ABCB11: variants seen among roughly 807,000 people sequenced by gnomAD.
ABCB11 encodes the protein ATP binding cassette subfamily B member 11.
A neutral mutation model predicts 148.0 loss-of-function variants in ABCB11; 95 were observed. The ratio of observed to expected loss-of-function variants is 0.64; its 90% CI spans 0.54 to 0.76. The LOEUF (loss-of-function observed/expected upper bound fraction) is 0.76. ABCB11 is among the 30% of genes least tolerant of loss of function. The pLI, the probability that ABCB11 is intolerant of heterozygous loss-of-function variation, is 0.00. For missense variants in ABCB11, 1,523 were observed against 1,617.8 expected, an observed-to-expected ratio of 0.94 and a Z score of 1.01; for synonymous variants, 591 against 555.4, an observed-to-expected ratio of 1.06 and a Z score of -0.90.
In ABCB11 at chr2:168,957,954, G is replaced by C. The variant is rs200824270; in HGVS notation, c.2343+10C>G. The C allele has an allele frequency of 3.3e-5, 51 of 1,552,350 alleles. No homozygotes were observed. In the Admixed American group the frequency reaches 3.6e-4, roughly 11 times the overall value. ...TGAGAAGAAGAAAGCTAGTCCAGCT[G>C]TGTACTTACCCCAAGAATCTGGCTG... is the stretch of plus-strand genomic sequence containing the variant. On this transcript the variant is annotated intron_variant, in intron 19 of 27. Transcript: ENST00000650372.
chr2:168,990,697 G>C lies in ABCB11; in HGVS notation c.908+104C>G, dbSNP rs1397355906. The C allele has an allele frequency of 2.1e-6, 3 of 1,427,610 alleles. No homozygotes were observed. In the African/African-American group the frequency reaches 4.2e-5, roughly 20 times the overall value. 88.4% of individuals were successfully genotyped at this position (1,427,610 alleles called of 1,614,324 possible). On this transcript the variant is annotated intron_variant, in intron 9 of 27. Transcript: ENST00000650372. ...CTCTTGAACAAGTACTTCCTCTGGA[G>C]GCCACAGACCAAGGTGGGTCTGCCG... is the stretch of plus-strand genomic sequence containing the variant.
At chr2:169,002,046 A>G (rs1030950070) in intron 5 of ABCB11, among the ~76,000 whole-genome samples, 1 of 152,220 alleles carries the variant, frequency 6.6e-6, no homozygotes, top group African/African-American at 2.4e-5. Flanking sequence ...CCAAAGATAC[A>G]AACAGGTTGA....
intron 12 of ABCB11, among the ~76,000 whole-genome samples, chr2:168,975,757 CAT>C (rs1045201962): frequency 2.8e-5 from 4 of 144,710 alleles, no homozygotes; most frequent in Middle Eastern, 4.0e-3. Context: ...ATATATATAT[CAT>C]ATATATATCA....
chr2:168,944,906 A>G lies in ABCB11; in HGVS notation c.2399T>C (p.Leu800Pro). Residue 800 changes from leucine to proline, a missense_variant, in exon 20 of 28, where the codon CTA becomes CCA. By Grantham distance (98) the Leu-to-Pro change is moderately conservative. Coordinates refer to ENST00000650372, the MANE Select transcript of ABCB11 (RefSeq NM_003742.4). ...TACACAGCCCATTGCTACAAAAAGT[A>G]GGCACACACCATTGATCTGTGACCT... ...EQRSQINGVC[L>P]LFVAMGCVSL... 6.3e-7 allele frequency: 1 copy of G among 1,576,756 alleles called. No homozygotes were observed. The highest frequency in any genetic ancestry group is 8.6e-7 in the Non-Finnish European group (1 of 1,159,330).
Position 168,975,336 on chromosome 2 carries a change from A to C in ABCB11, c.1308+1241T>G, listed in dbSNP as rs538811667. Among the ~76,000 whole-genome samples the C allele has an allele frequency of 5.0e-3, 232 of 46,664 alleles. 74 individuals are homozygous for C. Among genetic ancestry groups the C allele is most frequent in the African/African-American group, 0.025 (221 of 8,834 alleles). 30.6% of individuals were successfully genotyped at this position (46,664 alleles called of 152,430 possible). Reference sequence around the variant, plus strand: ...TTATAGATAAATATATAAATATATAAATATTTTTATATTTATAGATAAATA... The same window carrying C: ...TTATAGATAAATATATAAATATATACATATTTTTATATTTATAGATAAATA... On this transcript the variant is annotated intron_variant, in intron 12 of 27. Coordinates refer to ENST00000650372, the MANE Select transcript of ABCB11 (RefSeq NM_003742.4).
intron 1 of ABCB11, among the ~76,000 whole-genome samples, chr2:169,022,413 C>A (rs546648712): frequency 1.3e-5 from 2 of 151,706 alleles, no homozygotes; most frequent in South Asian, 2.1e-4. Flanking sequence ...AAATCATAAG[C>A]AAATACTAAG....
intron 5 of ABCB11, among the ~76,000 whole-genome samples, chr2:168,997,869 C>A (rs954305261): frequency 2.0e-5 from 3 of 151,988 alleles, no homozygotes; most frequent in African/African-American, 7.2e-5. Context: ...AAGGGCTGGG[C>A]TTACACTGCT....
chr2:168,948,789 A>G (rs1037297164), intron 19 of ABCB11, among the ~76,000 whole-genome samples: 5 of 151,742 alleles, frequency 3.3e-5, no homozygotes, highest in African/African-American at 1.2e-4. Context: ...CCTTTCTGAA[A>G]TTAATGTGAT....
chr2:169,028,981 G>A (rs1695780752), intron 1 of ABCB11, among the ~76,000 whole-genome samples: 1 of 152,162 alleles, frequency 6.6e-6, no homozygotes, highest in Non-Finnish European at 1.5e-5. Flanking sequence ...ATGGTAAGAA[G>A]AATCTAAATG....
rs200488448 is a variant in ABCB11, at chr2:168,936,261, C to A, written c.2783G>T (p.Arg928Leu). ...CACCATCTCCAGGGCCTGCTTATCTCGAGAGGCAAATCCTGTCAACATCCT... is the reference window on the plus strand; with the variant it reads ...CACCATCTCCAGGGCCTGCTTATCTAGAGAGGCAAATCCTGTCAACATCCT... ...QTRMLTGFAS[R>L]DKQALEMVGQ... is the part of the protein sequence containing the mutation. The change falls in exon 22 of 28, where the codon CGA becomes CTA. Residue 928 changes from arginine to leucine, a missense_variant. Arg to Leu is a moderately radical substitution (Grantham distance 102). Coordinates refer to ENST00000650372, the MANE Select transcript of ABCB11 (RefSeq NM_003742.4). 1 of 1,613,708 alleles carries A rather than the reference C, an allele frequency of 6.2e-7. No individual in the cohort carries two copies. Among genetic ancestry groups the A allele is most frequent in the Non-Finnish European group, 8.5e-7 (1 of 1,179,852 alleles).
chr2:169,018,106 A>T lies in ABCB11; in HGVS notation c.20T>A (p.Leu7His). 6.2e-7 allele frequency: 1 copy of T among 1,613,700 alleles called. No individual in the cohort carries two copies. The highest frequency in any genetic ancestry group is 8.5e-7 in the Non-Finnish European group (1 of 1,179,704). Residue 7 changes from leucine (L) to histidine (H), a missense_variant, in exon 2 of 28, where the codon CTT (leucine) becomes CAT (histidine). By Grantham distance (99) the Leu-to-His change is moderately conservative. Transcript: ENST00000650372. MSDSVI[L>H]RSIKKFGEEN... Reference sequence around the variant, plus strand: ...CTCTCCAAATTTCTTTATACTTCGAAGAATTACTGAGTCAGACATGGTAAT... The same window carrying T: ...CTCTCCAAATTTCTTTATACTTCGATGAATTACTGAGTCAGACATGGTAAT...
intron 5 of ABCB11, among the ~76,000 whole-genome samples, chr2:169,001,537 TG>T (rs561078726): frequency 1.1e-4 from 17 of 152,058 alleles, no homozygotes; most frequent in African/African-American, 3.4e-4. Context: ...ATTGACACCA[TG>T]GGGGTGAGTG....
intron 18 of ABCB11, among the ~76,000 whole-genome samples, chr2:168,959,385 C>A (rs1692950069): frequency 6.6e-6 from 1 of 151,606 alleles, no homozygotes; most frequent in African/African-American, 2.4e-5. Context: ...ATAAGGGTAC[C>A]TGGGAAAGCA....
chr2:168,969,515 G>A lies in ABCB11; in HGVS notation c.1846C>T (p.Arg616Cys), dbSNP rs369187042. Reference sequence around the variant, plus strand: ...TCTGCAGCTCTGACCGTAGACAAGCGATGAGCAACTGAAATGATTGTGTGC... The same window carrying A: ...TCTGCAGCTCTGACCGTAGACAAGCAATGAGCAACTGAAATGATTGTGTGC... ...HGHTIISVAHRLSTVRAADTI... is the reference protein window; with the variant it reads ...HGHTIISVAHCLSTVRAADTI... Residue 616 changes from arginine to cysteine, a missense_variant, in exon 16 of 28, where the codon CGC becomes TGC. Transcript: ENST00000650372. The A allele has an allele frequency of 6.8e-6, 11 of 1,612,272 alleles. No homozygotes were observed. Among genetic ancestry groups the A allele is most frequent in the African/African-American group, 5.3e-5 (4 of 74,788 alleles).
chr2:169,011,515 A>T (rs1382308593), intron 5 of ABCB11, among the ~76,000 whole-genome samples: 2 of 152,232 alleles, frequency 1.3e-5, no homozygotes. Flanking sequence ...TAGGGAACTT[A>T]TATAGAATAA....
chr2:168,936,316 AG>A lies in ABCB11; in HGVS notation c.2727del (p.Phe910SerfsTer13), dbSNP rs1320244983. 6.2e-7 allele frequency: 1 copy of A among 1,614,002 alleles called. No homozygotes were observed. Among genetic ancestry groups the A allele is most frequent in the Admixed American group, 1.7e-5 (1 of 60,026 alleles). On this transcript the variant is annotated frameshift_variant, in exon 22 of 28. Transcript: ENST00000650372. LOFTEE classifies it high-confidence loss of function. ...TGTGTGGCTCCTGATAAAGCCAAGAAGGGGAAGAAGCACAAGATGACCAGGC... is the reference window on the plus strand; with the variant it reads ...TGTGTGGCTCCTGATAAAGCCAAGAAGGGAAGAAGCACAAGATGACCAGGC... ...KLSLVILCFF[P>X]FLALSGATQT...
intron 1 of ABCB11, among the ~76,000 whole-genome samples, chr2:169,020,854 T>C (rs563133708): frequency 2.0e-5 from 3 of 152,228 alleles, no homozygotes; most frequent in South Asian, 2.1e-4. Context: ...TTGAAAACCA[T>C]TGAATACTTT....
chr2:169,018,287 G>A (rs988357328), intron 1 of ABCB11, 135 bp from the exon 2 acceptor site: 15 of 734,460 alleles, frequency 2.0e-5, no homozygotes, highest in Admixed American at 2.8e-5. Context: ...TTTTAAAATC[G>A]GTTAATAACT....
At chr2:168,957,431 A>G (rs879281904) in intron 19 of ABCB11, among the ~76,000 whole-genome samples, 2 of 151,738 alleles carry the variant, frequency 1.3e-5, no homozygotes, top group Non-Finnish European at 3.0e-5. Flanking sequence ...AATTCTAGGA[A>G]GTGAAAAATT....
Sources: gnomAD v4.1 joint callset for allele counts (sites outside exome capture counted in the v4.1 genomes callset) on GRCh38, gnomAD v4.1.1 for gene constraint, MANE v1.5 for transcripts, NCBI Gene and HGNC (gene_info 2026-07-23, HGNC 2026-07-21) for gene names.